The following GRID2 variants were observed in gnomAD, a reference collection of about 807,000 sequenced individuals.
GRID2 encodes the protein glutamate receptor ionotropic, delta-2.
A neutral mutation model predicts 114.8 loss-of-function variants in GRID2; 33 were observed. The ratio of observed to expected loss-of-function variants is 0.29; its 90% CI spans 0.22 to 0.38. GRID2 has a LOEUF of 0.38. Ranked by LOEUF, GRID2 falls within the 10% of genes least tolerant of loss-of-function variation. The probability of loss-of-function intolerance (pLI) is 1.00; values close to 1 mark genes in which losing one functional copy is unlikely to be tolerated. For missense variants in GRID2, 1,184 were observed against 1,257.7 expected, an observed-to-expected ratio of 0.94 and a Z score of 0.89; for synonymous variants, 505 against 449.9, an observed-to-expected ratio of 1.12 and a Z score of -1.55.
chr4:92,470,288 T>C (rs1420215207), intron 1 of GRID2, among the ~76,000 whole-genome samples: 1 of 151,728 alleles, frequency 6.6e-6, no homozygotes, highest in African/African-American at 2.4e-5. Context: ...CCAAAAAAAA[T>C]CATCATTAAA....
intron 2 of GRID2, among the ~76,000 whole-genome samples, chr4:93,008,476 CT>C (rs1721792799): frequency 6.6e-6 from 1 of 152,038 alleles, no homozygotes; most frequent in African/African-American, 2.4e-5. Flanking sequence ...CTGACTTTCT[CT>C]TCCTTTCCTT....
chr4:92,752,677 G>T (rs1737510308), intron 2 of GRID2, among the ~76,000 whole-genome samples: 1 of 152,104 alleles, frequency 6.6e-6, no homozygotes, highest in African/African-American at 2.4e-5. Flanking sequence ...ATACAGACTA[G>T]ACTTTTTAAA....
At chr4:92,543,599 A>G (rs1726088732) in intron 1 of GRID2, among the ~76,000 whole-genome samples, 1 of 152,170 alleles carries the variant, frequency 6.6e-6, no homozygotes, top group Non-Finnish European at 1.5e-5. Flanking sequence ...AAATCCATGA[A>G]GATGATTAAG....
chr4:92,721,413 T>C (rs980700319), intron 2 of GRID2, among the ~76,000 whole-genome samples: 7 of 152,152 alleles, frequency 4.6e-5, no homozygotes, highest in Non-Finnish European at 8.8e-5. Context: ...ATTTCAGTTT[T>C]CTGAATTTAT....
At chr4:92,566,449 G>A (rs968043794) in intron 1 of GRID2, among the ~76,000 whole-genome samples, 1 of 151,880 alleles carries the variant, frequency 6.6e-6, no homozygotes, top group African/African-American at 2.4e-5. Context: ...TCGGACAATA[G>A]GATGCATGTT....
intron 12 of GRID2, among the ~76,000 whole-genome samples, chr4:93,497,097 T>C (rs1162274834): frequency 6.6e-6 from 1 of 151,694 alleles, no homozygotes. Flanking sequence ...TGATGTCTCA[T>C]TGTGGTTTTA....
At position 93,109,165 on chromosome 4, in the gene GRID2, G is replaced by C. The variant is rs1412287672; in HGVS notation, c.530-1583G>C. Among the ~76,000 whole-genome samples, 4 of 152,112 alleles carry C rather than the reference G, an allele frequency of 2.6e-5. No homozygotes were observed. In the East Asian group the frequency reaches 7.7e-4, roughly 29 times the overall value. On this transcript the variant is annotated intron_variant, in intron 3 of 15. Coordinates refer to ENST00000282020, the MANE Select transcript of GRID2 (RefSeq NM_001510.4). Reference sequence around the variant, plus strand: ...TTATGTACATTCTGACTTGGATATTGAATGAATACATAACACCTTTATTAT... The same window carrying C: ...TTATGTACATTCTGACTTGGATATTCAATGAATACATAACACCTTTATTAT...
At position 92,597,208 on chromosome 4, in the gene GRID2, G is replaced by T. The variant is rs1311113529; in HGVS notation, c.244+6922G>T. On this transcript the variant is annotated intron_variant, in intron 2 of 15. Transcript: ENST00000282020. ...ACTTACAATCATGGCAGAAGGGGAAGAAAATATATTCTTTCTTAAAGAAGG... is the reference window on the plus strand; with the variant it reads ...ACTTACAATCATGGCAGAAGGGGAATAAAATATATTCTTTCTTAAAGAAGG... Among the ~76,000 whole-genome samples the T allele has an allele frequency of 2.0e-5, 3 of 152,032 alleles. No individual in the cohort carries two copies. In the East Asian group the frequency reaches 5.8e-4, roughly 29 times the overall value.
intron 2 of GRID2, among the ~76,000 whole-genome samples, chr4:92,877,868 A>G (rs1398049764): frequency 1.3e-5 from 2 of 152,132 alleles, no homozygotes; most frequent in East Asian, 3.9e-4. Flanking sequence ...TACTCTCCTT[A>G]AGCTTTTAAA....
intron 2 of GRID2, among the ~76,000 whole-genome samples, chr4:92,808,375 C>A (rs140165305): frequency 6.6e-6 from 1 of 151,968 alleles, no homozygotes; most frequent in East Asian, 1.9e-4. Context: ...TTTTATGGTA[C>A]CAATAAGGTG....
At chr4:93,568,101 A>C (rs1438154264) in intron 13 of GRID2, among the ~76,000 whole-genome samples, 1 of 152,212 alleles carries the variant, frequency 6.6e-6, no homozygotes, top group Admixed American at 6.6e-5. Flanking sequence ...TTGGGACAAC[A>C]TACCTAACCT....
At chr4:93,250,869 A>T (rs947247107) in intron 8 of GRID2, among the ~76,000 whole-genome samples, 5 of 151,654 alleles carry the variant, frequency 3.3e-5, no homozygotes, top group African/African-American at 1.2e-4. Flanking sequence ...CATTTTAAAA[A>T]GTATAAAGTC....
intron 2 of GRID2, among the ~76,000 whole-genome samples, chr4:92,605,725 T>C (rs1282453518): frequency 6.6e-6 from 1 of 152,124 alleles, no homozygotes; most frequent in African/African-American, 2.4e-5. Context: ...CTATATGTTC[T>C]TGTGGACACT....
chr4:93,464,220 A>AAAT (rs1470089200), intron 11 of GRID2, among the ~76,000 whole-genome samples: 2 of 152,188 alleles, frequency 1.3e-5, no homozygotes, highest in Non-Finnish European at 2.9e-5. Context: ...AACATCATTT[A>AAAT]AATTATTTAG....
At chr4:92,483,289 G>A (rs1460702106) in intron 1 of GRID2, among the ~76,000 whole-genome samples, 1 of 152,108 alleles carries the variant, frequency 6.6e-6, no homozygotes, top group Admixed American at 6.6e-5. Flanking sequence ...AGTGAGCCAA[G>A]GTCGTGCCAC....
chr4:93,519,092 CAA>C (rs1730091097), intron 13 of GRID2, among the ~76,000 whole-genome samples: 1 of 152,086 alleles, frequency 6.6e-6, no homozygotes, highest in Admixed American at 6.6e-5. Flanking sequence ...CTCATTTTAA[CAA>C]TATCCATAGG....
intron 1 of GRID2, among the ~76,000 whole-genome samples, chr4:92,466,896 G>A (rs538366657): frequency 1.3e-5 from 2 of 151,602 alleles, no homozygotes; most frequent in Admixed American, 6.6e-5. Context: ...GGGCTAATAC[G>A]ATAATTCCTT....
At chr4:92,893,323 C>A (rs1451402816) in intron 2 of GRID2, among the ~76,000 whole-genome samples, 2 of 152,100 alleles carry the variant, frequency 1.3e-5, no homozygotes, top group East Asian at 1.9e-4. Flanking sequence ...ACCATCTGCT[C>A]CTTCTTGTTC....
chr4:92,680,095 A>C (rs1355383929), intron 2 of GRID2, among the ~76,000 whole-genome samples: 2 of 152,044 alleles, frequency 1.3e-5, no homozygotes, highest in Non-Finnish European at 2.9e-5. Context: ...AGAACTCTTT[A>C]CTGGAGTTTT....
Sources: allele counts gnomAD v4.1 joint callset (sites outside exome capture counted in the v4.1 genomes callset), GRCh38; gene constraint gnomAD v4.1.1; transcripts MANE v1.5; gene names NCBI Gene and HGNC (gene_info 2026-07-23, HGNC 2026-07-21).